OTOF: variants seen among roughly 807,000 people sequenced by gnomAD.
The protein encoded by OTOF is otoferlin.
A neutral mutation model predicts 236.8 loss-of-function variants in OTOF; 218 were observed. That is an observed-to-expected ratio of 0.92 (90% CI 0.82 to 1.03). The LOEUF is 1.03. Ranked by LOEUF, OTOF falls within the 50% of genes least tolerant of loss-of-function variation. The pLI, the probability that OTOF is intolerant of heterozygous loss-of-function variation, is 0.00. For missense variants in OTOF, 2,590 were observed against 2,694.4 expected, an observed-to-expected ratio of 0.96 and a Z score of 0.86; for synonymous variants, 1,041 against 1,072.5, an observed-to-expected ratio of 0.97 and a Z score of 0.57.
At chr2:26,488,762 G>A (rs1572444279) in intron 11 of OTOF, among the ~76,000 whole-genome samples, 1 of 152,346 alleles carries the variant, frequency 6.6e-6, no homozygotes, top group Admixed American at 6.5e-5. Context: ...GGACGGCAGG[G>A]TCCTGTGAGG....
Position 26,482,415 on chromosome 2 carries a change from C to T in OTOF, c.1570G>A (p.Gly524Arg), listed in dbSNP as rs146739635. 193 of 1,613,074 alleles carry T rather than the reference C, an allele frequency of 1.2e-4. No homozygotes were observed. Among genetic ancestry groups the T allele is most frequent in the Middle Eastern group, 1.6e-4 (1 of 6,074 alleles). The change falls in exon 14 of 47, where the codon GGA becomes AGA. Residue 524 changes from glycine to arginine, a missense_variant. Around this residue, in one of 2 missense-constraint regions of OTOF, gnomAD observed 1,379 missense variants for 1,341.6 expected, o/e 1.03. Coordinates refer to ENST00000272371, the MANE Select transcript of OTOF (RefSeq NM_194248.3). ...FIDLRKISND[G>R]DKGFLPTLGP... is the part of the protein sequence containing the mutation. ...GTCTCCCGCTGCTGACCTTTGTCTC[C>T]GTCATTAGAAATCTTGCGCAGGTCA...
chr2:26,474,260 C>T (rs1233767223), intron 26 of OTOF, 150 bp from the exon 27 acceptor site: 6 of 1,124,920 alleles, frequency 5.3e-6, no homozygotes, highest in African/African-American at 1.6e-5. Context: ...AGAGAGGCCC[C>T]TAGGCCCCAG....
At chr2:26,494,863 C>A in intron 9 of OTOF, 79 bp downstream of exon 9, 1 of 1,552,156 alleles carries the variant, frequency 6.4e-7, no homozygotes, top group South Asian at 1.1e-5. Context: ...CTTCCAGCCA[C>A]TCCTATTTCT....
intron 6 of OTOF, among the ~76,000 whole-genome samples, 173 bp from the exon 7 acceptor site, chr2:26,502,599 T>C (rs1176569484): frequency 1.3e-5 from 2 of 152,226 alleles, no homozygotes; most frequent in African/African-American, 4.8e-5. Flanking sequence ...CTAATCCCGA[T>C]CTTGGATTTG....
chr2:26,506,690 T>A (rs1666257150), intron 5 of OTOF, among the ~76,000 whole-genome samples: 1 of 152,202 alleles, frequency 6.6e-6, no homozygotes, highest in South Asian at 2.1e-4. Context: ...AAGAAATGAT[T>A]GAGGCTTTAA....
chr2:26,459,501 A>G (rs1054331890), intron 46 of OTOF, among the ~76,000 whole-genome samples: 8 of 150,710 alleles, frequency 5.3e-5, no homozygotes, highest in Non-Finnish European at 7.4e-5. Context: ...GCAGTGAGCC[A>G]AGATTGTGCC....
At chr2:26,519,184 C>T (rs1317554456) in intron 3 of OTOF, 75 bp from the exon 4 acceptor site, 2 of 999,320 alleles carry the variant, frequency 2.0e-6, no homozygotes, top group African/African-American at 3.1e-5. Context: ...ATCCCAAGGG[C>T]TGTGACTGCT....
rs1054393674 is a variant in OTOF at position 26,469,449 on chromosome 2, G to A, written c.4024-975C>T. Reference sequence around the variant, plus strand: ...TTTGCTGAGCACACAGCCACCTTGTGAAAGATTACATTTCCCAGCCTCCTT... The same window carrying A: ...TTTGCTGAGCACACAGCCACCTTGTAAAAGATTACATTTCCCAGCCTCCTT... On this transcript the variant is annotated intron_variant, in intron 32 of 46. Transcript: ENST00000272371. Among the ~76,000 whole-genome samples, 4 of 152,202 alleles carry A rather than the reference G, an allele frequency of 2.6e-5. No individual in the cohort carries two copies. The East Asian group carries it at 7.7e-4, about 29-fold the overall frequency.
chr2:26,497,159 G>A (rs1465804255), intron 8 of OTOF, among the ~76,000 whole-genome samples: 1 of 143,184 alleles, frequency 7.0e-6, no homozygotes, highest in Non-Finnish European at 1.5e-5. Context: ...CTGGAGTGCA[G>A]TGGCACGATC....
intron 24 of OTOF, 32 bp from the exon 25 acceptor site, chr2:26,475,525 G>C: frequency 6.2e-7 from 1 of 1,606,826 alleles, no homozygotes. Context: ...CAGGGGACAA[G>C]TGACAGAGGG....
At chr2:26,550,614 T>C (rs1004257408) in intron 1 of OTOF, among the ~76,000 whole-genome samples, 2 of 152,134 alleles carry the variant, frequency 1.3e-5, no homozygotes, top group African/African-American at 4.8e-5. Context: ...ACTAAGGCCC[T>C]GTACCCCAAA....
At position 26,502,295 on chromosome 2, in the gene OTOF, C is replaced by T. The variant is rs1666132047; in HGVS notation, c.710+5G>A. 1 of 1,614,082 alleles carries T rather than the reference C, an allele frequency of 6.2e-7. No individual in the cohort carries two copies. The highest frequency in any genetic ancestry group is 2.2e-5 in the East Asian group (1 of 44,890). ...GCTGGGGTTGCAGGGCTCCCGTCCA[C>T]TCACCGCTTGTTGGAGACATTAGTG... is the stretch of plus-strand genomic sequence containing the variant. On this transcript the variant is annotated splice_donor_5th_base_variant and intron_variant, in intron 7 of 46. Transcript: ENST00000272371.
chr2:26,486,665 T>C (rs777752377), intron 11 of OTOF, among the ~76,000 whole-genome samples: 26 of 152,306 alleles, frequency 1.7e-4, no homozygotes, highest in Non-Finnish European at 2.1e-4. Flanking sequence ...AAAGTGAAGA[T>C]ATCTAAAATA....
intron 46 of OTOF, 25 bp from the exon 47 acceptor site, chr2:26,458,245 G>A (rs1421681862): frequency 6.4e-7 from 1 of 1,556,468 alleles, no homozygotes; most frequent in African/African-American, 1.4e-5. Context: ...AGAGGAGCCG[G>A]TCAGCCAGTG....
chr2:26,475,259 G>T, intron 25 of OTOF, 100 bp downstream of exon 25: 1 of 1,346,204 alleles, frequency 7.4e-7, no homozygotes, highest in Non-Finnish European at 1.1e-6. Flanking sequence ...CTGCAGGTGG[G>T]TGGCGGAGGT....
intron 1 of OTOF, among the ~76,000 whole-genome samples, chr2:26,542,662 C>T (rs761995992): frequency 5.0e-4 from 76 of 152,146 alleles, no homozygotes; most frequent in Non-Finnish European, 4.4e-4. Flanking sequence ...TGTTTGAAAG[C>T]GTAGAGCAGA....
At chr2:26,530,847 C>A (rs1448128417) in intron 2 of OTOF, among the ~76,000 whole-genome samples, 1 of 152,182 alleles carries the variant, frequency 6.6e-6, no homozygotes, top group Non-Finnish European at 1.5e-5. Flanking sequence ...ATCAAGCCGG[C>A]ACCTCTAGGT....
At chr2:26,494,284 A>T (rs1234267757) in intron 9 of OTOF, among the ~76,000 whole-genome samples, 1 of 152,196 alleles carries the variant, frequency 6.6e-6, no homozygotes, top group Non-Finnish European at 1.5e-5. Flanking sequence ...AAAGAATAGG[A>T]GTGGGTACCA....
intron 1 of OTOF, among the ~76,000 whole-genome samples, chr2:26,554,966 A>T (rs1276170645): frequency 6.6e-6 from 1 of 152,200 alleles, no homozygotes; most frequent in Non-Finnish European, 1.5e-5. Flanking sequence ...GAAGGGAGAC[A>T]TCAGGGTTGG....
Sources: allele counts gnomAD v4.1 joint callset (sites outside exome capture counted in the v4.1 genomes callset), GRCh38; gene constraint gnomAD v4.1.1; regional missense constraint gnomAD v4.1.1; transcripts MANE v1.5; gene names NCBI Gene and HGNC (gene_info 2026-07-23, HGNC 2026-07-21).